The following MAP4K4 variants were observed in gnomAD, a reference collection of about 807,000 sequenced individuals.
MAP4K4 encodes the protein mitogen-activated protein kinase kinase kinase kinase 4.
A neutral mutation model predicts 189.6 loss-of-function variants in MAP4K4; 38 were observed. The ratio of observed to expected loss-of-function variants is 0.20; its 90% CI spans 0.15 to 0.26. The LOEUF is 0.26. Among genes scored for constraint, MAP4K4 ranks in the 10% least tolerant of loss-of-function variants. The pLI is 1.00. For synonymous variants in MAP4K4, 610 were observed against 624.3 expected (o/e 0.98, Z 0.34); for missense variants, 1,054 against 1,726.9 (o/e 0.61, Z 6.91).
At chr2:101,817,182 G>A (rs2095782176) in intron 3 of MAP4K4, among the ~76,000 whole-genome samples, 4 of 152,054 alleles carry the variant, frequency 2.6e-5, no homozygotes, top group African/African-American at 7.2e-5. Flanking sequence ...ATGGTATTTT[G>A]TCTATAGATT....
intron 7 of MAP4K4, among the ~76,000 whole-genome samples, chr2:101,834,181 TTCCC>T (rs1164638375): frequency 2.5e-5 from 3 of 121,864 alleles, no homozygotes; most frequent in African/African-American, 9.4e-5. Flanking sequence ...CTTCCCTCCC[TTCCC>T]TCCCTCCCCT....
chr2:101,864,582 C>G (rs1274675762), intron 17 of MAP4K4, among the ~76,000 whole-genome samples: 5 of 152,150 alleles, frequency 3.3e-5, no homozygotes, highest in African/African-American at 9.7e-5. Flanking sequence ...TCCTGCTGAT[C>G]CATTTATAGA....
At chr2:101,747,758 A>G (rs1358630039) in intron 2 of MAP4K4, among the ~76,000 whole-genome samples, 1 of 152,216 alleles carries the variant, frequency 6.6e-6, no homozygotes, top group Non-Finnish European at 1.5e-5. Flanking sequence ...CCAGCAAACA[A>G]ACAAAACAGA....
chr2:101,799,055 C>G (rs1376951838), intron 3 of MAP4K4, among the ~76,000 whole-genome samples: 3 of 152,160 alleles, frequency 2.0e-5, no homozygotes, highest in Non-Finnish European at 4.4e-5. Context: ...TTTTGCTCCT[C>G]TTTCCCAGGA....
At chr2:101,870,009 T>C in intron 22 of MAP4K4, 1 of 661,994 alleles carries the variant, frequency 1.5e-6, no homozygotes. Context: ...GCGTGTACTT[T>C]ATTTTTTCCT....
chr2:101,852,846 A>T (rs2097329999), intron 12 of MAP4K4, among the ~76,000 whole-genome samples: 1 of 152,190 alleles, frequency 6.6e-6, no homozygotes, highest in South Asian at 2.1e-4. Flanking sequence ...GAGACAGGGG[A>T]AAAAACTGAG....
chr2:101,852,182 A>G (rs1296478355), intron 12 of MAP4K4, among the ~76,000 whole-genome samples: 3 of 151,978 alleles, frequency 2.0e-5, no homozygotes, highest in Non-Finnish European at 4.4e-5. Flanking sequence ...ACCCAGAGTA[A>G]TAATTAAATC....
intron 3 of MAP4K4, among the ~76,000 whole-genome samples, chr2:101,819,249 G>A (rs2095896268): frequency 1.4e-5 from 2 of 140,436 alleles, no homozygotes; most frequent in Non-Finnish European, 3.2e-5. Flanking sequence ...CTTAAGTGCT[G>A]GGATGCAACC....
intron 2 of MAP4K4, among the ~76,000 whole-genome samples, chr2:101,759,926 T>C (rs1048864494): frequency 7.3e-5 from 11 of 151,324 alleles, no homozygotes; most frequent in Non-Finnish European, 1.2e-4. Flanking sequence ...TCACTGCAGC[T>C]TGTGACTCCT....
intron 10 of MAP4K4, among the ~76,000 whole-genome samples, chr2:101,840,405 C>G (rs1332683962): frequency 1.3e-5 from 2 of 152,250 alleles, no homozygotes; most frequent in African/African-American, 2.4e-5. Context: ...TTTTACTGCT[C>G]TACTCTATTA....
chr2:101,870,482 C>T, intron 23 of MAP4K4, 67 bp downstream of exon 23: 3 of 1,587,274 alleles, frequency 1.9e-6, no homozygotes, highest in Non-Finnish European at 2.6e-6. Context: ...CTTGCTCATT[C>T]ACTCACTCAT....
intron 2 of MAP4K4, among the ~76,000 whole-genome samples, chr2:101,754,862 C>T (rs1288345080): frequency 2.0e-5 from 3 of 152,116 alleles, no homozygotes; most frequent in East Asian, 1.9e-4. Flanking sequence ...GAATGGAAGG[C>T]AGGCAAGTGT....
exon 33 of MAP4K4, chr2:101,892,894 C>G: frequency 2.2e-6 from 1 of 456,448 alleles, no homozygotes; most frequent in Non-Finnish European, 4.4e-6. Flanking sequence ...CACAGTCCTG[C>G]CATCTTACTT....
At chr2:101,746,977 C>T (rs1329257787) in intron 2 of MAP4K4, among the ~76,000 whole-genome samples, 4 of 152,114 alleles carry the variant, frequency 2.6e-5, no homozygotes, top group Non-Finnish European at 2.9e-5. Context: ...CTTGTGTCCC[C>T]CTACTCTTTC....
chr2:101,751,604 C>G (rs2149982227), intron 2 of MAP4K4, among the ~76,000 whole-genome samples: 1 of 152,368 alleles, frequency 6.6e-6, no homozygotes, highest in African/African-American at 2.4e-5. Flanking sequence ...TGCATGGCCT[C>G]TGCCTGACCT....
intron 28 of MAP4K4, among the ~76,000 whole-genome samples, chr2:101,883,072 A>C (rs991349886): frequency 1.2e-4 from 18 of 152,166 alleles, no homozygotes; most frequent in Non-Finnish European, 2.2e-4. Context: ...AGCTGACTTG[A>C]GTCCTTTTTT....
chr2:101,861,381 CCCTGGCTCTTGGCCAGT>C (rs2097650369), intron 16 of MAP4K4: 1 of 160,204 alleles, frequency 6.2e-6, no homozygotes, highest in Non-Finnish European at 1.4e-5. Context: ...ACTGTGTGAG[CCCTGGCTCTTGGCCAGT>C]CCTATGAATG....
At chr2:101,882,526 A>T in intron 27 of MAP4K4, 25 bp from the exon 28 acceptor site, 3 of 1,544,674 alleles carry the variant, frequency 1.9e-6, no homozygotes, top group Non-Finnish European at 2.6e-6. Context: ...ATATGCATGT[A>T]AAATATTTAT....
chr2:101,799,648 C>T (rs949054044), intron 3 of MAP4K4, among the ~76,000 whole-genome samples: 1 of 151,816 alleles, frequency 6.6e-6, no homozygotes, highest in Admixed American at 6.6e-5. Flanking sequence ...GTTGCCCAGG[C>T]TGGAGGGCAG....
Sources: gnomAD v4.1 joint callset for allele counts (sites outside exome capture counted in the v4.1 genomes callset) on GRCh38, gnomAD v4.1.1 for gene constraint, MANE v1.5 for transcripts, NCBI Gene and HGNC (gene_info 2026-07-23, HGNC 2026-07-21) for gene names.